Variants in KCND2 observed in about 807,000 individuals in gnomAD.
KCND2 encodes the protein A-type voltage-gated potassium channel KCND2.
In KCND2, 16 loss-of-function variants were observed where a neutral mutation model predicts 54.4. The observed-to-expected ratio is 0.29, with a 90% CI of 0.20 to 0.45. KCND2 has a LOEUF of 0.45. Ranked by LOEUF, KCND2 falls within the 20% of genes least tolerant of loss-of-function variation. The probability of loss-of-function intolerance (pLI) is 1.00; values close to 1 mark genes in which losing one functional copy is unlikely to be tolerated. For missense variants in KCND2, 486 were observed against 824.2 expected, an observed-to-expected ratio of 0.59 and a Z score of 5.02; for synonymous variants, 317 against 310.7, an observed-to-expected ratio of 1.02 and a Z score of -0.21.
chr7:120,581,815 A>C (rs1332495637), intron 1 of KCND2, among the ~76,000 whole-genome samples: 1 of 151,918 alleles, frequency 6.6e-6, no homozygotes, highest in African/African-American at 2.4e-5. Flanking sequence ...GCGTTCATGC[A>C]ATTCTCCTGC....
chr7:120,532,398 A>C, intron 1 of KCND2, among the ~76,000 whole-genome samples: 1 of 152,006 alleles, frequency 6.6e-6, no homozygotes, highest in East Asian at 1.9e-4. Context: ...TATAGTTATA[A>C]ATAATTATTT....
At chr7:120,714,379 C>A (rs1792577422) in intron 1 of KCND2, among the ~76,000 whole-genome samples, 1 of 151,972 alleles carries the variant, frequency 6.6e-6, no homozygotes, top group Non-Finnish European at 1.5e-5. Flanking sequence ...GTATAGAACA[C>A]AATGAAACTA....
At chr7:120,441,301 T>C (rs1801942034) in intron 1 of KCND2, among the ~76,000 whole-genome samples, 1 of 152,116 alleles carries the variant, frequency 6.6e-6, no homozygotes, top group African/African-American at 2.4e-5. Flanking sequence ...TAGGTTATTG[T>C]GAAAATTGAA....
chr7:120,656,867 AG>A (rs1422027199), intron 1 of KCND2, among the ~76,000 whole-genome samples: 1 of 152,192 alleles, frequency 6.6e-6, no homozygotes. Flanking sequence ...AGGTGTATAA[AG>A]GGGAACAACA....
intron 1 of KCND2, among the ~76,000 whole-genome samples, chr7:120,322,689 C>A (rs1244991809): frequency 6.6e-6 from 1 of 152,042 alleles, no homozygotes; most frequent in Admixed American, 6.6e-5. Context: ...ATATCCTGTT[C>A]TCTGGGTGTT....
chr7:120,442,170 C>G (rs913834416), intron 1 of KCND2, among the ~76,000 whole-genome samples: 4 of 152,048 alleles, frequency 2.6e-5, no homozygotes, highest in Admixed American at 2.6e-4. Flanking sequence ...CACGAACTGC[C>G]CTACCTGGAG....
intron 1 of KCND2, among the ~76,000 whole-genome samples, chr7:120,347,872 T>C (rs1044664915): frequency 6.6e-6 from 1 of 152,190 alleles, no homozygotes; most frequent in African/African-American, 2.4e-5. Flanking sequence ...CTCCCAGTTC[T>C]GCAGGCTAGA....
intron 1 of KCND2, among the ~76,000 whole-genome samples, chr7:120,437,447 C>G (rs1801883512): frequency 6.6e-6 from 1 of 152,040 alleles, no homozygotes; most frequent in South Asian, 2.1e-4. Context: ...GGTGATCTGC[C>G]CACCTTGGCC....
intron 1 of KCND2, among the ~76,000 whole-genome samples, chr7:120,718,648 G>T (rs1792632069): frequency 6.6e-6 from 1 of 152,026 alleles, no homozygotes; most frequent in Non-Finnish European, 1.5e-5. Context: ...CTCTAAATGG[G>T]CATATTAGGA....
intron 1 of KCND2, among the ~76,000 whole-genome samples, chr7:120,347,724 T>C (rs1800342116): frequency 6.7e-6 from 1 of 148,438 alleles, no homozygotes; most frequent in Non-Finnish European, 1.5e-5. Flanking sequence ...ACCATCACAC[T>C]CCAGCCTGGG....
At chr7:120,482,666 C>A (rs1485643706) in intron 1 of KCND2, among the ~76,000 whole-genome samples, 1 of 152,098 alleles carries the variant, frequency 6.6e-6, no homozygotes, top group Non-Finnish European at 1.5e-5. Flanking sequence ...CTTGCTTCTT[C>A]CTCTCACCTT....
chr7:120,731,777 A>G (rs759284806), intron 1 of KCND2, among the ~76,000 whole-genome samples: 3 of 152,302 alleles, frequency 2.0e-5, no homozygotes, highest in Middle Eastern at 3.4e-3. Context: ...ATGGGATACA[A>G]TTTGGTTTGC....
chr7:120,516,488 CCCTG>C (rs1162959914), intron 1 of KCND2, among the ~76,000 whole-genome samples: 1 of 152,052 alleles, frequency 6.6e-6, no homozygotes, highest in Non-Finnish European at 1.5e-5. Flanking sequence ...CAGAAAGACA[CCCTG>C]ATGGCTTTCT....
chr7:120,700,841 G>A (rs1792392156), intron 1 of KCND2, among the ~76,000 whole-genome samples: 1 of 152,134 alleles, frequency 6.6e-6, no homozygotes, highest in Non-Finnish European at 1.5e-5. Context: ...AATGTCTGTA[G>A]AATCCATTAT....
rs569692903 is a variant in KCND2, at chr7:120,663,855, A to G, written c.1116-69048A>G. Among the ~76,000 whole-genome samples the G allele has an allele frequency of 2.0e-5, 3 of 152,334 alleles. No homozygotes were observed. The South Asian group carries it at 6.2e-4, about 32-fold the overall frequency. On this transcript the variant is annotated intron_variant, in intron 1 of 5. Transcript: ENST00000331113. Reference sequence around the variant, plus strand: ...TCCTATCTTTGAAGAAACTCCAATTAGTTTCCTCACCATTATTATATGCCA... The same window carrying G: ...TCCTATCTTTGAAGAAACTCCAATTGGTTTCCTCACCATTATTATATGCCA...
chr7:120,284,819 T>C (rs1216179058), intron 1 of KCND2, among the ~76,000 whole-genome samples: 3 of 152,182 alleles, frequency 2.0e-5, no homozygotes. Context: ...TCCCCCATTA[T>C]ATTTCTTTCT....
chr7:120,629,178 T>C (rs1440879086), intron 1 of KCND2, among the ~76,000 whole-genome samples: 4 of 152,152 alleles, frequency 2.6e-5, no homozygotes, highest in Non-Finnish European at 5.9e-5. Context: ...GAGAAACTGC[T>C]CAGCGTATAT....
intron 1 of KCND2, among the ~76,000 whole-genome samples, chr7:120,603,407 T>A (rs932337663): frequency 6.6e-6 from 1 of 152,178 alleles, no homozygotes; most frequent in Admixed American, 6.5e-5. Context: ...CTAGACCATT[T>A]CTGTAAGTTG....
intron 1 of KCND2, among the ~76,000 whole-genome samples, chr7:120,689,718 G>A (rs76046538): frequency 0.014 from 2,092 of 152,270 alleles, 25 homozygotes; most frequent in Non-Finnish European, 0.021. Context: ...ATATGCATAA[G>A]CCCAGTTCCT....
Sources: gnomAD v4.1 joint callset for allele counts (sites outside exome capture counted in the v4.1 genomes callset) on GRCh38, gnomAD v4.1.1 for gene constraint, MANE v1.5 for transcripts, NCBI Gene and HGNC (gene_info 2026-07-23, HGNC 2026-07-21) for gene names.